The following GRIP1 variants were observed in gnomAD, a reference collection of about 807,000 sequenced individuals.
GRIP1 encodes the protein glutamate receptor-interacting protein 1.
A neutral mutation model predicts 129.9 loss-of-function variants in GRIP1; 45 were observed. The observed-to-expected ratio is 0.35, with a 90% CI of 0.27 to 0.44. GRIP1 has a LOEUF of 0.44. Ranked by LOEUF, GRIP1 falls within the 20% of genes least tolerant of loss-of-function variation. The pLI is 1.00. For synonymous variants in GRIP1, 530 were observed against 520.8 expected, an observed-to-expected ratio of 1.02 and a Z score of -0.24; for missense variants, 1,196 against 1,396.8, an observed-to-expected ratio of 0.86 and a Z score of 2.29.
chr12:66,651,953 T>C (rs921484782), intron 1 of GRIP1, among the ~76,000 whole-genome samples: 3 of 152,142 alleles, frequency 2.0e-5, no homozygotes, highest in African/African-American at 7.2e-5. Flanking sequence ...GGTTGTGGCA[T>C]CTGGAAATAC....
intron 1 of GRIP1, among the ~76,000 whole-genome samples, chr12:66,934,406 T>C (rs2041450582): frequency 6.6e-6 from 1 of 152,228 alleles, no homozygotes; most frequent in South Asian, 2.1e-4. Flanking sequence ...TCTTCTGTGC[T>C]TCCACAATAC....
intron 1 of GRIP1, among the ~76,000 whole-genome samples, chr12:66,931,308 A>C (rs1202718663): frequency 6.6e-6 from 1 of 152,220 alleles, no homozygotes; most frequent in Non-Finnish European, 1.5e-5. Flanking sequence ...GACAACCATC[A>C]ATGCCAATGA....
intron 1 of GRIP1, among the ~76,000 whole-genome samples, chr12:66,790,625 T>A (rs2038500920): frequency 1.3e-5 from 2 of 152,114 alleles, no homozygotes; most frequent in Middle Eastern, 6.8e-3. Flanking sequence ...GAGAAATGAA[T>A]TCAAGGTTCC....
At chr12:66,850,735 TA>T (rs2039895811) in intron 1 of GRIP1, among the ~76,000 whole-genome samples, 2 of 152,052 alleles carry the variant, frequency 1.3e-5, no homozygotes, top group Admixed American at 6.6e-5. Context: ...GATAAAAAAG[TA>T]AATATATTTA....
chr12:66,897,166 C>T (rs935736940), intron 1 of GRIP1, among the ~76,000 whole-genome samples: 1 of 152,174 alleles, frequency 6.6e-6, no homozygotes, highest in Non-Finnish European at 1.5e-5. Flanking sequence ...TGGCATGAAT[C>T]AATGCATGGG....
chr12:66,837,203 A>G (rs1421986761), intron 1 of GRIP1, among the ~76,000 whole-genome samples: 1 of 152,252 alleles, frequency 6.6e-6, no homozygotes, highest in Non-Finnish European at 1.5e-5. Flanking sequence ...ACTATGAGCC[A>G]TAACAGGCCT....
intron 1 of GRIP1, among the ~76,000 whole-genome samples, chr12:66,713,321 C>A (rs1474888770): frequency 6.6e-6 from 1 of 151,900 alleles, no homozygotes. Flanking sequence ...GTTTATTGAT[C>A]ACCTATTATG....
In GRIP1 at chr12:67,029,103, C is replaced by T. The variant is rs948501163; in HGVS notation, c.58+39947G>A. ...GGGCAAAATAGTGAGACTGTCTCTA[C>T]AAAAAAAATAAATTAAAAAAAATTT... On this transcript the variant is annotated intron_variant, in intron 1 of 1. Coordinates refer to the GRIP1 transcript ENST00000643019. 6.6e-5 allele frequency among the ~76,000 whole-genome samples: 10 copies of T among 151,590 alleles called. No homozygotes were observed. In the South Asian group the frequency reaches 1.9e-3, roughly 28 times the overall value.
At chr12:66,894,861 CTT>C (rs1232667351) in intron 1 of GRIP1, among the ~76,000 whole-genome samples, 3 of 152,166 alleles carry the variant, frequency 2.0e-5, no homozygotes, top group Non-Finnish European at 4.4e-5. Context: ...TGACCAATAA[CTT>C]TGACTCCTTG....
At chr12:66,711,908 T>C (rs2035725169) in intron 1 of GRIP1, among the ~76,000 whole-genome samples, 1 of 151,882 alleles carries the variant, frequency 6.6e-6, no homozygotes, top group Non-Finnish European at 1.5e-5. Flanking sequence ...ATTTAGTTGG[T>C]ACGAAAAGAA....
At chr12:66,757,986 T>C (rs2037350071) in intron 1 of GRIP1, among the ~76,000 whole-genome samples, 1 of 152,070 alleles carries the variant, frequency 6.6e-6, no homozygotes, top group African/African-American at 2.4e-5. Context: ...CCCAAATAAA[T>C]CTAGGAAGAA....
At chr12:66,930,590 G>A (rs981167806) in intron 1 of GRIP1, among the ~76,000 whole-genome samples, 8 of 151,994 alleles carry the variant, frequency 5.3e-5, no homozygotes, top group Admixed American at 6.6e-5. Context: ...TCTTTATAGC[G>A]GAGACTCTCC....
intron 1 of GRIP1, among the ~76,000 whole-genome samples, chr12:66,850,146 G>A (rs950999588): frequency 6.6e-6 from 1 of 151,772 alleles, no homozygotes; most frequent in Non-Finnish European, 1.5e-5. Context: ...AAGGGGAGAT[G>A]AGTTATATTA....
intron 1 of GRIP1, among the ~76,000 whole-genome samples, chr12:66,888,878 A>G (rs1242343628): frequency 6.6e-6 from 1 of 152,246 alleles, no homozygotes; most frequent in Admixed American, 6.5e-5. Context: ...AAATAAAAAT[A>G]AATAAATTCA....
At chr12:66,952,497 G>C (rs1158503654) in intron 1 of GRIP1, among the ~76,000 whole-genome samples, 3 of 152,080 alleles carry the variant, frequency 2.0e-5, no homozygotes, top group Non-Finnish European at 2.9e-5. Context: ...GGCTTACTGA[G>C]ACCCAATTAA....
chr12:66,491,883 T>C (rs1344615713), intron 7 of GRIP1, among the ~76,000 whole-genome samples: 2 of 152,202 alleles, frequency 1.3e-5, no homozygotes, highest in Admixed American at 6.5e-5. Flanking sequence ...TCACATTCCC[T>C]ATCATCATTC....
chr12:66,616,492 T>C (rs987003080), intron 1 of GRIP1, among the ~76,000 whole-genome samples: 3 of 152,150 alleles, frequency 2.0e-5, no homozygotes, highest in Admixed American at 2.0e-4. Context: ...ATGCAAATAA[T>C]GGTAACAGTC....
At chr12:66,950,323 T>A (rs1006324037) in intron 1 of GRIP1, among the ~76,000 whole-genome samples, 1 of 152,216 alleles carries the variant, frequency 6.6e-6, no homozygotes, top group Non-Finnish European at 1.5e-5. Context: ...TTTACAATTG[T>A]AATACAATTT....
At chr12:66,384,542 G>C (rs1368058521) in intron 19 of GRIP1, among the ~76,000 whole-genome samples, 1 of 152,174 alleles carries the variant, frequency 6.6e-6, no homozygotes, top group Non-Finnish European at 1.5e-5. Context: ...TTAAACTGAA[G>C]ACCTTTGACT....
Sources: allele counts gnomAD v4.1 joint callset (sites outside exome capture counted in the v4.1 genomes callset), GRCh38; gene constraint gnomAD v4.1.1; transcripts MANE v1.5; gene names NCBI Gene and HGNC (gene_info 2026-07-23, HGNC 2026-07-21).